The following ERICH6 variants were observed in gnomAD, a reference collection of about 807,000 sequenced individuals.
The protein encoded by ERICH6 is glutamate-rich protein 6.
ERICH6 carries 71 observed loss-of-function variants against 71.0 expected under a neutral mutation model. That is an observed-to-expected ratio of 1.00 (90% CI 0.83 to 1.22). The LOEUF is 1.22. Ranked by LOEUF, ERICH6 falls within the 50% of genes most tolerant of loss-of-function variation. ERICH6 has a pLI of 0.00. For missense variants in ERICH6, 808 were observed against 797.2 expected, an observed-to-expected ratio of 1.01 and a Z score of -0.16; for synonymous variants, 262 against 278.4, an observed-to-expected ratio of 0.94 and a Z score of 0.59.
At chr3:150,664,115 G>A (rs1727316341) in intron 13 of ERICH6, among the ~76,000 whole-genome samples, 1 of 152,090 alleles carries the variant, frequency 6.6e-6, no homozygotes, top group Admixed American at 6.5e-5. Context: ...GAAAATCAGG[G>A]GAGAATAGTC....
chr3:150,680,696 A>G (rs115340134), intron 8 of ERICH6, 77 bp downstream of exon 8: 2 of 1,555,800 alleles, frequency 1.3e-6, no homozygotes, highest in Non-Finnish European at 1.7e-6. Context: ...ATATCTTGAA[A>G]AAATGAGGTT....
Position 150,681,930 on chromosome 3 carries a change from A to T in ERICH6, c.882+288T>A, listed in dbSNP as rs190869918. Among the ~76,000 whole-genome samples, 121 of 141,656 alleles carry T rather than the reference A, an allele frequency of 8.5e-4. 3 individuals carry two copies. In the East Asian group the frequency reaches 0.023, roughly 27 times the overall value. 92.9% of individuals were successfully genotyped at this position (141,656 alleles called of 152,430 possible). On this transcript the variant is annotated intron_variant, in intron 7 of 13. Transcript: ENST00000295910. Reference sequence around the variant, plus strand: ...CCCGGGTTCAAGCAATTCTCCTGCCACAGCCTCCCAAGTAGCTGGGACTAC... The same window carrying T: ...CCCGGGTTCAAGCAATTCTCCTGCCTCAGCCTCCCAAGTAGCTGGGACTAC...
intron 3 of ERICH6, among the ~76,000 whole-genome samples, chr3:150,694,258 A>G (rs1193754869): frequency 6.6e-6 from 1 of 152,036 alleles, no homozygotes; most frequent in Non-Finnish European, 1.5e-5. Flanking sequence ...AATTTTATTT[A>G]TTATTATTAT....
chr3:150,682,152 A>C, intron 7 of ERICH6, 66 bp downstream of exon 7: 1 of 1,355,920 alleles, frequency 7.4e-7, no homozygotes, highest in Non-Finnish European at 1.0e-6. Flanking sequence ...GGAAAGATGC[A>C]AGAGAAAATA....
intron 13 of ERICH6, among the ~76,000 whole-genome samples, chr3:150,664,646 GAA>G (rs377754632): frequency 5.8e-4 from 79 of 136,956 alleles, no homozygotes; most frequent in African/African-American, 2.0e-3. Context: ...GACTCCATCT[GAA>G]AAAAAAAAAA....
intron 1 of ERICH6, 72 bp from the exon 2 acceptor site, chr3:150,702,250 C>T: frequency 4.4e-6 from 3 of 683,680 alleles, no homozygotes; most frequent in Non-Finnish European, 7.4e-6. Context: ...CCCCCAGGAA[C>T]ACATGGCAAT....
rs1399217201 is a variant in ERICH6 at position 150,659,892 on chromosome 3, T to C, written c.1992A>G (p.Ter664=). ...TIRNIINEEI[*] ...CAAATGAAAGCACCATCATTCTTAG[T>C]TAAATTTCTTCATTTATTATATTTC... The change falls in exon 14 of 14, where the codon TAA becomes TAG. Residue 664 remains the stop codon, a stop_retained_variant. Transcript: ENST00000295910. 2.5e-6 allele frequency: 4 copies of C among 1,595,226 alleles called. No homozygotes were observed. The highest frequency in any genetic ancestry group is 2.7e-5 in the African/African-American group (2 of 73,702).
chr3:150,698,892 C>G lies in ERICH6; in HGVS notation c.462-10G>C. ...ATTGCGATGAATATTTCTGAAATTT[C>G]GACAAAAATGTTTTGAGTATACCTA... On this transcript the variant is annotated splice_polypyrimidine_tract_variant and intron_variant, in intron 2 of 13. Coordinates refer to ENST00000295910, the MANE Select transcript of ERICH6 (RefSeq NM_152394.5). The G allele has an allele frequency of 6.2e-7, 1 of 1,604,644 alleles. No individual in the cohort carries two copies. Among genetic ancestry groups the G allele is most frequent in the Non-Finnish European group, 8.5e-7 (1 of 1,171,968 alleles).
intron 1 of ERICH6, 123 bp downstream of exon 1, chr3:150,703,373 G>T: frequency 7.0e-7 from 1 of 1,436,198 alleles, no homozygotes; most frequent in East Asian, 2.5e-5. Context: ...GTGTGGAATG[G>T]TGCATGCATT....
At chr3:150,672,010 G>A (rs766651037) in intron 11 of ERICH6, among the ~76,000 whole-genome samples, 13 of 152,046 alleles carry the variant, frequency 8.6e-5, no homozygotes, top group Non-Finnish European at 1.5e-4. Context: ...TTTAGCTGTT[G>A]TGTATAATAG....
At chr3:150,695,154 C>A (rs1325599406) in intron 3 of ERICH6, among the ~76,000 whole-genome samples, 1 of 152,080 alleles carries the variant, frequency 6.6e-6, no homozygotes, top group Non-Finnish European at 1.5e-5. Context: ...AATATTTAGA[C>A]CATAACAACT....
chr3:150,664,042 A>C lies in ERICH6; in HGVS notation c.1728+2745T>G, dbSNP rs1727313149. Among the ~76,000 whole-genome samples, 3 of 152,212 alleles carry C rather than the reference A, an allele frequency of 2.0e-5. No homozygotes were observed. The South Asian group carries it at 6.2e-4, about 32-fold the overall frequency. ...GCTCTGGGTTCCTCCAATATTTAGAAAAAGGGGAGATGAAGAGTAATCAGG... is the reference window on the plus strand; with the variant it reads ...GCTCTGGGTTCCTCCAATATTTAGACAAAGGGGAGATGAAGAGTAATCAGG... On this transcript the variant is annotated intron_variant, in intron 13 of 13. Transcript: ENST00000295910.
intron 2 of ERICH6, among the ~76,000 whole-genome samples, chr3:150,699,585 C>T (rs1423618249): frequency 6.6e-6 from 1 of 151,820 alleles, no homozygotes; most frequent in Non-Finnish European, 1.5e-5. Context: ...CGAAGGATTA[C>T]CACTTAAGAA....
chr3:150,674,872 C>T (rs1223281215), intron 10 of ERICH6, among the ~76,000 whole-genome samples: 1 of 152,032 alleles, frequency 6.6e-6, no homozygotes, highest in Non-Finnish European at 1.5e-5. Flanking sequence ...GTGGCTCACA[C>T]CCATAATCCC....
chr3:150,664,328 T>A (rs1464198390), intron 13 of ERICH6, among the ~76,000 whole-genome samples: 2 of 152,164 alleles, frequency 1.3e-5, no homozygotes, highest in Admixed American at 1.3e-4. Flanking sequence ...AATCTGTATA[T>A]TATCTAATTT....
intron 12 of ERICH6, 57 bp downstream of exon 12, chr3:150,669,239 C>A: frequency 6.6e-7 from 1 of 1,517,872 alleles, no homozygotes. Context: ...AAAGAAAAAA[C>A]AAAATTTCCC....
intron 3 of ERICH6, among the ~76,000 whole-genome samples, chr3:150,693,588 A>G (rs1712535175): frequency 6.6e-6 from 1 of 152,070 alleles, no homozygotes; most frequent in Non-Finnish European, 1.5e-5. Flanking sequence ...ACAAAATTCC[A>G]TCAAAGCCAA....
chr3:150,691,728 T>TA (rs1425988194), intron 3 of ERICH6, among the ~76,000 whole-genome samples: 3 of 152,104 alleles, frequency 2.0e-5, no homozygotes, highest in Non-Finnish European at 2.9e-5. Context: ...TATTTTTTTT[T>TA]AAATTAAGGT....
At position 150,674,031 on chromosome 3, in the gene ERICH6, T is replaced by A. The variant is rs1273848454; in HGVS notation, c.1268A>T (p.Asn423Ile). ...TTTGTAGTGCTTCTCTAAGAGCTCA[T>A]TCCTGACAACCTATACACCACAGAA... ...SRIACGKVVR[N>I]ELLEKHYKHG... Residue 423 changes from asparagine to isoleucine, a missense_variant, in exon 11 of 14, where the codon AAT becomes ATT. This residue lies in a region of ERICH6 where 736 missense variants were observed against 712.2 expected (regional missense o/e 1.03). Transcript: ENST00000295910. 6.2e-7 allele frequency: 1 copy of A among 1,613,958 alleles called. No homozygotes were observed.
Sources: allele counts gnomAD v4.1 joint callset (sites outside exome capture counted in the v4.1 genomes callset), GRCh38; gene constraint gnomAD v4.1.1; regional missense constraint gnomAD v4.1.1; transcripts MANE v1.5; gene names NCBI Gene and HGNC (gene_info 2026-07-23, HGNC 2026-07-21).